ZFPM2: variants seen among roughly 807,000 people sequenced by gnomAD.
ZFPM2 encodes the protein zinc finger protein ZFPM2.
A neutral mutation model predicts 98.6 loss-of-function variants in ZFPM2; 20 were observed. The ratio of observed to expected loss-of-function variants is 0.20; its 90% CI spans 0.14 to 0.29. The LOEUF (loss-of-function observed/expected upper bound fraction) is 0.29, where lower values mean the gene tolerates loss of function less well. ZFPM2 is among the 10% of genes least tolerant of loss of function. The pLI, the probability that ZFPM2 is intolerant of heterozygous loss-of-function variation, is 1.00. For missense variants in ZFPM2, 1,310 were observed against 1,388.6 expected (o/e 0.94, Z 0.90); for synonymous variants, 518 against 502.7 (o/e 1.03, Z -0.41).
chr8:105,418,673 G>A (rs1412599198), intron 1 of ZFPM2: 3 of 505,266 alleles, frequency 5.9e-6, no homozygotes, highest in Non-Finnish European at 1.2e-5. Flanking sequence ...TCTTAAGATG[G>A]ATTTTTAAAA....
intron 5 of ZFPM2, among the ~76,000 whole-genome samples, chr8:105,767,591 C>T (rs149144725): frequency 1.3e-3 from 196 of 151,870 alleles, no homozygotes; most frequent in African/African-American, 4.5e-3. Context: ...GGTTACAACA[C>T]TCCATATGAA....
intron 3 of ZFPM2, among the ~76,000 whole-genome samples, chr8:105,533,083 C>T (rs2130589696): frequency 6.6e-6 from 1 of 152,164 alleles, no homozygotes; most frequent in East Asian, 1.9e-4. Flanking sequence ...GAACTTTGAA[C>T]ATGTCTCTCA....
In ZFPM2 at chr8:105,510,384, AG is replaced by A. The variant is rs1191937887; in HGVS notation, c.302-50975del. Among the ~76,000 whole-genome samples the A allele has an allele frequency of 3.4e-5, 5 of 145,864 alleles. No homozygotes were observed. In the East Asian group the frequency reaches 1.0e-3, roughly 30 times the overall value. ...TCGGGCTACTTAGAAATATCAGGGC[AG>A]GGGTCTGTGCATGTTTTTTTTTTTT... On this transcript the variant is annotated intron_variant, in intron 3 of 7. Transcript: ENST00000407775.
At chr8:105,472,126 C>T (rs532905532) in intron 3 of ZFPM2, among the ~76,000 whole-genome samples, 1 of 152,230 alleles carries the variant, frequency 6.6e-6, no homozygotes, top group African/African-American at 2.4e-5. Flanking sequence ...CTTTAGTTGG[C>T]AAAGCTTATG....
intron 5 of ZFPM2, among the ~76,000 whole-genome samples, chr8:105,759,937 G>GA (rs1408949612): frequency 2.6e-5 from 4 of 152,022 alleles, no homozygotes; most frequent in African/African-American, 9.7e-5. Flanking sequence ...GCTAGTGAAC[G>GA]AAACAGACAG....
At chr8:105,348,005 T>C (rs1011671668) in intron 1 of ZFPM2, among the ~76,000 whole-genome samples, 6 of 152,120 alleles carry the variant, frequency 3.9e-5, no homozygotes, top group Admixed American at 3.3e-4. Context: ...CTATCCAGCT[T>C]GAGGACATTG....
At chr8:105,515,763 A>G (rs73697370) in intron 3 of ZFPM2, among the ~76,000 whole-genome samples, 9,237 of 152,050 alleles carry the variant, frequency 0.061, 331 homozygotes, top group East Asian at 0.17. Flanking sequence ...AGTTGCTCTC[A>G]TGGACTCCGT....
chr8:105,547,542 CAAAAAAAAA>C lies in ZFPM2; in HGVS notation c.302-13802_302-13794del, dbSNP rs148322534. Among the ~76,000 whole-genome samples the C allele has an allele frequency of 7.0e-4, 33 of 47,188 alleles. 2 individuals carry two copies. The highest frequency in any genetic ancestry group is 3.6e-3 in the East Asian group (6 of 1,688). 31.0% of individuals were successfully genotyped at this position (47,188 alleles called of 152,430 possible). A position where few individuals can be genotyped will look rare whatever the true frequency, so the allele number is the denominator to read the frequency against. ...GGGTGACGAGAGTGAAACTCCATCT[CAAAAAAAAA>C]AAAAAAAAAAAAAAAAAAGAAATCA... On this transcript the variant is annotated intron_variant, in intron 3 of 7. Coordinates refer to ENST00000407775, the MANE Select transcript of ZFPM2 (RefSeq NM_012082.4).
At chr8:105,603,347 CTATT>C (rs1816132118) in intron 4 of ZFPM2, among the ~76,000 whole-genome samples, 1 of 152,062 alleles carries the variant, frequency 6.6e-6, no homozygotes, top group Non-Finnish European at 1.5e-5. Flanking sequence ...ATATACTAAT[CTATT>C]TAGCCTGAGG....
chr8:105,419,601 C>A (rs1035963990), intron 2 of ZFPM2, among the ~76,000 whole-genome samples: 57 of 152,208 alleles, frequency 3.7e-4, no homozygotes, highest in African/African-American at 1.3e-3. Flanking sequence ...TTTATTCATT[C>A]ATTCTTTCAA....
At chr8:105,536,307 G>A (rs765130492) in intron 3 of ZFPM2, among the ~76,000 whole-genome samples, 1 of 151,782 alleles carries the variant, frequency 6.6e-6, no homozygotes, top group Non-Finnish European at 1.5e-5. Context: ...TCATCTCAAG[G>A]TATTATTATT....
At chr8:105,713,066 G>A (rs1165706950) in intron 5 of ZFPM2, among the ~76,000 whole-genome samples, 4 of 152,046 alleles carry the variant, frequency 2.6e-5, no homozygotes, top group Non-Finnish European at 4.4e-5. Flanking sequence ...TAGGATTGCT[G>A]GGTTCAGTGG....
intron 4 of ZFPM2, among the ~76,000 whole-genome samples, chr8:105,623,332 T>G (rs1050604152): frequency 2.0e-5 from 3 of 152,188 alleles, no homozygotes; most frequent in Non-Finnish European, 4.4e-5. Flanking sequence ...ATTCTTCTAG[T>G]TTTGCCATAG....
chr8:105,720,249 C>T (rs191443976), intron 5 of ZFPM2, among the ~76,000 whole-genome samples: 1 of 151,956 alleles, frequency 6.6e-6, no homozygotes, highest in African/African-American at 2.4e-5. Context: ...AGCTGCCCTG[C>T]ACTCCTCCCA....
At chr8:105,399,538 C>G (rs1394955071) in intron 1 of ZFPM2, among the ~76,000 whole-genome samples, 2 of 152,158 alleles carry the variant, frequency 1.3e-5, no homozygotes, top group Non-Finnish European at 2.9e-5. Context: ...CAACTAGATA[C>G]AACTTCCATG....
chr8:105,538,217 A>G (rs1814499072), intron 3 of ZFPM2, among the ~76,000 whole-genome samples: 1 of 152,148 alleles, frequency 6.6e-6, no homozygotes, highest in Non-Finnish European at 1.5e-5. Context: ...ATTTTCCTTA[A>G]GCCTTTGCTT....
At chr8:105,604,167 A>G (rs1338893490) in intron 4 of ZFPM2, among the ~76,000 whole-genome samples, 2 of 152,036 alleles carry the variant, frequency 1.3e-5, no homozygotes, top group African/African-American at 4.8e-5. Context: ...CCTCATCTTC[A>G]TAAATGTCAT....
At chr8:105,425,311 A>C (rs1811885733) in intron 2 of ZFPM2, among the ~76,000 whole-genome samples, 1 of 152,236 alleles carries the variant, frequency 6.6e-6, no homozygotes, top group Non-Finnish European at 1.5e-5. Flanking sequence ...AAGGTTAAGC[A>C]GGAAACTGAA....
At chr8:105,411,077 T>C (rs577329390) in intron 1 of ZFPM2, among the ~76,000 whole-genome samples, 1 of 152,032 alleles carries the variant, frequency 6.6e-6, no homozygotes, top group African/African-American at 2.4e-5. Flanking sequence ...TGACACTGTG[T>C]CTAGATTTTT....
Sources: gnomAD v4.1 joint callset for allele counts (sites outside exome capture counted in the v4.1 genomes callset) on GRCh38, gnomAD v4.1.1 for gene constraint, MANE v1.5 for transcripts, NCBI Gene and HGNC (gene_info 2026-07-23, HGNC 2026-07-21) for gene names.